SYCP1: variants seen among roughly 807,000 people sequenced by gnomAD.
SYCP1 encodes the protein cancer/testis antigen 8.
Under a neutral mutation model 153.1 loss-of-function variants are expected in SYCP1, and 64 were observed. That is an observed-to-expected ratio of 0.42 (90% CI 0.34 to 0.51). SYCP1 has a LOEUF of 0.51. SYCP1 is among the 20% of genes least tolerant of loss of function. The probability of loss-of-function intolerance (pLI) is 0.06; values close to 1 mark genes in which losing one functional copy is unlikely to be tolerated. For synonymous variants in SYCP1, 384 were observed against 341.8 expected (o/e 1.12, Z -1.36); for missense variants, 997 against 1,049.0 (o/e 0.95, Z 0.68).
Position 114,926,270 on chromosome 1 carries a change from T to G in SYCP1, c.1801-8T>G. 6.7e-6 allele frequency: 10 copies of G among 1,502,004 alleles called. No individual in the cohort carries two copies. The highest frequency in any genetic ancestry group is 8.9e-6 in the Non-Finnish European group (10 of 1,118,830). The allele number at this position is 1,502,004 out of a possible 1,614,324, so 93.0% of individuals were successfully genotyped here. ...ATAAAATAGCTATAATTTCTCACAA[T>G]TTTTTAGTGTAACAATTTAAGGAAA... On this transcript the variant is annotated splice_polypyrimidine_tract_variant and splice_region_variant and intron_variant, in intron 21 of 31. Coordinates refer to ENST00000369522, the MANE Select transcript of SYCP1 (RefSeq NM_003176.4).
chr1:114,894,571 A>G (rs1176343114), intron 15 of SYCP1, among the ~76,000 whole-genome samples: 1 of 152,158 alleles, frequency 6.6e-6, no homozygotes, highest in South Asian at 2.1e-4. Flanking sequence ...CTGTAGAAAG[A>G]AAAACATTGG....
intron 23 of SYCP1, among the ~76,000 whole-genome samples, chr1:114,930,332 A>G (rs1167853216): frequency 6.6e-6 from 1 of 152,008 alleles, no homozygotes; most frequent in Non-Finnish European, 1.5e-5. Flanking sequence ...AATAAGACAT[A>G]TCAAATAAAT....
Position 114,859,818 on chromosome 1 carries a change from G to T in SYCP1, c.524+8G>T. On this transcript the variant is annotated splice_region_variant and intron_variant, in intron 7 of 31. Transcript: ENST00000369522. Reference sequence around the variant, plus strand: ...TAAAGATTTAATAAAAGAGTAAGTAGTAATTTAATGAATTTGTTCTTTTCA... The same window carrying T: ...TAAAGATTTAATAAAAGAGTAAGTATTAATTTAATGAATTTGTTCTTTTCA... 1.5e-6 allele frequency: 1 copy of T among 682,534 alleles called. No individual in the cohort carries two copies. Among genetic ancestry groups the T allele is most frequent in the South Asian group, 2.2e-5 (1 of 46,308 alleles). 42.3% of individuals were successfully genotyped at this position (682,534 alleles called of 1,614,324 possible). A position where few individuals can be genotyped will look rare whatever the true frequency, so the allele number is the denominator to read the frequency against.
At chr1:114,977,037 A>T (rs759646324) in intron 27 of SYCP1, among the ~76,000 whole-genome samples, 15 of 151,782 alleles carry the variant, frequency 9.9e-5, no homozygotes, top group Admixed American at 5.9e-4. Context: ...TACTGAATAA[A>T]TTCTATCTAA....
chr1:114,925,504 A>G (rs1286391223), intron 21 of SYCP1, among the ~76,000 whole-genome samples: 5 of 152,148 alleles, frequency 3.3e-5, no homozygotes, highest in African/African-American at 1.2e-4. Flanking sequence ...TCCAGGTTGT[A>G]AATATTTCCC....
rs945093971 is a variant in SYCP1, at chr1:114,895,420, T to G, written c.1259-28T>G. ...TTCCTATTCTTTTAATCCAGCTTTTTAACACATTTTTTTTTTGCTCATTTT... is the reference window on the plus strand; with the variant it reads ...TTCCTATTCTTTTAATCCAGCTTTTGAACACATTTTTTTTTTGCTCATTTT... On this transcript the variant is annotated intron_variant, in intron 15 of 31. Transcript: ENST00000369522. 4 of 1,407,830 alleles carry G rather than the reference T, an allele frequency of 2.8e-6. No homozygotes were observed. In the Admixed American group the frequency reaches 7.2e-5, roughly 25 times the overall value. The allele number at this position is 1,407,830 out of a possible 1,614,324, so 87.2% of individuals were successfully genotyped here.
rs1203669561 is a variant in SYCP1, at chr1:114,981,383, G to T, written c.2430G>T (p.Leu810Phe). 1 of 1,602,710 alleles carries T rather than the reference G, an allele frequency of 6.2e-7. No individual in the cohort carries two copies. The highest frequency in any genetic ancestry group is 2.2e-5 in the East Asian group (1 of 44,512). Reference protein sequence around the residue: ...LLETPEIYWKLDSKAVPSQTV... With the variant: ...LLETPEIYWKFDSKAVPSQTV... ...AAACACCTGAAATTTATTGGAAATT[G>T]GATTCTAAAGCAGTTCCTTCACAAA... Residue 810 changes from leucine (L) to phenylalanine (F), a missense_variant, in exon 29 of 32, where the codon TTG becomes TTT. This residue lies in a region of SYCP1 where 712 missense variants were observed against 682.9 expected (regional missense o/e 1.04). Coordinates refer to ENST00000369522, the MANE Select transcript of SYCP1 (RefSeq NM_003176.4).
intron 16 of SYCP1, among the ~76,000 whole-genome samples, chr1:114,902,067 C>T (rs1366912726): frequency 6.8e-6 from 1 of 146,974 alleles, no homozygotes; most frequent in African/African-American, 2.5e-5. Context: ...CAGCCAGCCT[C>T]GTGGGGCCCT....
chr1:114,953,264 A>G (rs1035920856), intron 27 of SYCP1, among the ~76,000 whole-genome samples: 1 of 152,206 alleles, frequency 6.6e-6, no homozygotes. Flanking sequence ...CTCCCAGTCT[A>G]TAGCTTGTCT....
chr1:114,967,048 A>G (rs1672174142), intron 27 of SYCP1, among the ~76,000 whole-genome samples: 1 of 152,004 alleles, frequency 6.6e-6, no homozygotes, highest in South Asian at 2.1e-4. Context: ...GACTGTTTGT[A>G]ATGATTTCCG....
At chr1:114,956,427 T>G (rs1253816578) in intron 27 of SYCP1, among the ~76,000 whole-genome samples, 3 of 152,134 alleles carry the variant, frequency 2.0e-5, no homozygotes, top group Non-Finnish European at 4.4e-5. Flanking sequence ...CCTGCTACAC[T>G]TAGGAAACTA....
At chr1:114,964,957 A>G (rs970445761) in intron 27 of SYCP1, among the ~76,000 whole-genome samples, 3 of 152,192 alleles carry the variant, frequency 2.0e-5, no homozygotes, top group Non-Finnish European at 4.4e-5. Context: ...TTTGGGCAGC[A>G]TGGCCATTTT....
At chr1:114,946,262 C>A in intron 25 of SYCP1, 27 bp from the exon 26 acceptor site, 1 of 1,346,556 alleles carries the variant, frequency 7.4e-7, no homozygotes, top group Non-Finnish European at 1.0e-6. Context: ...TTTAATATAT[C>A]TAAAATGTCT....
At chr1:114,875,900 C>A (rs192472261) in intron 9 of SYCP1, among the ~76,000 whole-genome samples, 169 bp from the exon 10 acceptor site, 27 of 152,108 alleles carry the variant, frequency 1.8e-4, no homozygotes, top group Admixed American at 1.6e-3. Flanking sequence ...AACATAAGGC[C>A]CTCTTAATAC....
intron 23 of SYCP1, among the ~76,000 whole-genome samples, chr1:114,934,574 G>T (rs1332298770): frequency 6.6e-6 from 1 of 152,186 alleles, no homozygotes; most frequent in Non-Finnish European, 1.5e-5. Context: ...AACCTTAAAT[G>T]TAAATGGGCT....
chr1:114,979,088 A>G (rs1672980726), intron 28 of SYCP1, among the ~76,000 whole-genome samples: 1 of 151,184 alleles, frequency 6.6e-6, no homozygotes, highest in African/African-American at 2.4e-5. Flanking sequence ...TGAACCATAT[A>G]TATGTTGGAA....
At chr1:114,891,301 C>T (rs1199846724) in intron 15 of SYCP1, among the ~76,000 whole-genome samples, 4 of 152,168 alleles carry the variant, frequency 2.6e-5, no homozygotes, top group African/African-American at 4.8e-5. Context: ...TTGACCAGTG[C>T]TATTATAGTT....
Position 114,981,346 on chromosome 1 carries a change from C to T in SYCP1, c.2393C>T (p.Thr798Ile). ...TGTTGTTCAATGCAGAAAACACAAACATTTTTATTGGAAACACCTGAAATT... is the reference window on the plus strand; with the variant it reads ...TGTTGTTCAATGCAGAAAACACAAATATTTTTATTGGAAACACCTGAAATT... ...LKEKKDKKTQ[T>I]FLLETPEIYW... is the part of the protein sequence containing the mutation. Residue 798 changes from threonine (T) to isoleucine (I), a missense_variant, in exon 29 of 32, where the codon ACA becomes ATA. Transcript: ENST00000369522. 6.3e-7 allele frequency: 1 copy of T among 1,588,498 alleles called. No homozygotes were observed. Among genetic ancestry groups the T allele is most frequent in the Non-Finnish European group, 8.5e-7 (1 of 1,170,994 alleles).
Position 114,858,728 on chromosome 1 carries a change from C to T in SYCP1, c.456+17C>T, listed in dbSNP as rs774109808. 6.9e-6 allele frequency: 11 copies of T among 1,591,786 alleles called. No homozygotes were observed. The highest frequency in any genetic ancestry group is 1.8e-5 in the Admixed American group (1 of 56,950). ...GAACTGCAAGTATGACACAATTTTGCATTGTAAACATAGTATAGTAAATCT... is the reference window on the plus strand; with the variant it reads ...GAACTGCAAGTATGACACAATTTTGTATTGTAAACATAGTATAGTAAATCT... On this transcript the variant is annotated intron_variant, in intron 6 of 31. Coordinates refer to ENST00000369522, the MANE Select transcript of SYCP1 (RefSeq NM_003176.4).
Sources: gnomAD v4.1 joint callset for allele counts (sites outside exome capture counted in the v4.1 genomes callset) on GRCh38, gnomAD v4.1.1 for gene constraint, gnomAD v4.1.1 regional missense constraint, MANE v1.5 for transcripts, NCBI Gene and HGNC (gene_info 2026-07-23, HGNC 2026-07-21) for gene names.